The following IL1RAPL1 variants were observed in gnomAD, a reference collection of about 807,000 sequenced individuals.
IL1RAPL1 encodes the protein interleukin 1 receptor accessory protein like 1, also known as interleukin-1 receptor accessory protein-like 1.
In IL1RAPL1, 3 loss-of-function variants were observed where a neutral mutation model predicts 48.4. The observed-to-expected ratio is 0.06, with a 90% CI of 0.03 to 0.16. The LOEUF is 0.16. IL1RAPL1 is among the 10% of genes least tolerant of loss of function. The pLI, the probability that IL1RAPL1 is intolerant of heterozygous loss-of-function variation, is 1.00. For synonymous variants in IL1RAPL1, 185 were observed against 187.7 expected, an observed-to-expected ratio of 0.99 and a Z score of 0.12; for missense variants, 349 against 530.6, an observed-to-expected ratio of 0.66 and a Z score of 3.36.
intron 2 of IL1RAPL1, among the ~76,000 whole-genome samples, chrX:29,012,012 G>A (rs187729288): frequency 4.5e-5 from 5 of 112,067 alleles, no homozygotes; most frequent in East Asian, 2.8e-4. Context: ...CAGAGAGACC[G>A]ACATTATATA....
chrX:28,688,103 CAAAAAAAAAAAA>C (rs55752146), intron 1 of IL1RAPL1, among the ~76,000 whole-genome samples: 1 of 49,965 alleles, frequency 2.0e-5, no homozygotes, highest in Non-Finnish European at 3.6e-5. Context: ...GACTCTGTCT[CAAAAAAAAAAAA>C]AAAAAAAAGA....
chrX:29,860,364 A>T (rs1008532266), intron 6 of IL1RAPL1, among the ~76,000 whole-genome samples: 3 of 111,242 alleles, frequency 2.7e-5, no homozygotes, highest in African/African-American at 6.5e-5. Flanking sequence ...TTAGAATTAA[A>T]TTTTTTTTTA....
chrX:29,953,411 T>C (rs1000668273), intron 9 of IL1RAPL1, among the ~76,000 whole-genome samples: 1 of 112,053 alleles, frequency 8.9e-6, no homozygotes, highest in Admixed American at 9.4e-5. Flanking sequence ...AAATCTGAGA[T>C]GGTATATTAG....
At chrX:29,940,966 C>G (rs1205953774) in intron 8 of IL1RAPL1, among the ~76,000 whole-genome samples, 1 of 112,471 alleles carries the variant, frequency 8.9e-6, no homozygotes. Context: ...AAGCATTCAG[C>G]CTCCAAGATT....
At chrX:29,684,916 A>G (rs1926572804) in intron 6 of IL1RAPL1, among the ~76,000 whole-genome samples, 1 of 112,427 alleles carries the variant, frequency 8.9e-6, no homozygotes, top group African/African-American at 3.2e-5. Flanking sequence ...TTGACTTGTC[A>G]ATTTACTACG....
At chrX:28,887,078 T>TAA (rs1922650827) in intron 2 of IL1RAPL1, among the ~76,000 whole-genome samples, 2 of 112,032 alleles carry the variant, frequency 1.8e-5, no homozygotes, top group Non-Finnish European at 3.8e-5. Context: ...TCCAAGGTTT[T>TAA]ACTATGGCTC....
intron 2 of IL1RAPL1, among the ~76,000 whole-genome samples, chrX:29,016,803 T>A (rs1214897691): frequency 9.0e-6 from 1 of 111,402 alleles, no homozygotes; most frequent in Non-Finnish European, 1.9e-5. Context: ...GATATACAAG[T>A]TCAGATTTCT....
intron 3 of IL1RAPL1, among the ~76,000 whole-genome samples, chrX:29,389,499 C>T (rs993055506): frequency 1.8e-4 from 20 of 110,884 alleles, no homozygotes; most frequent in African/African-American, 6.6e-4. Flanking sequence ...TTTACTTCTT[C>T]TCCCTCTTAT....
At chrX:28,692,189 G>A (rs1482837439) in intron 1 of IL1RAPL1, among the ~76,000 whole-genome samples, 1 of 111,351 alleles carries the variant, frequency 9.0e-6, no homozygotes, top group Non-Finnish European at 1.9e-5. Flanking sequence ...ATGACATCAA[G>A]CCATACATGA....
At chrX:29,017,015 T>C (rs1372957842) in intron 2 of IL1RAPL1, among the ~76,000 whole-genome samples, 1 of 112,078 alleles carries the variant, frequency 8.9e-6, no homozygotes, top group Non-Finnish European at 1.9e-5. Context: ...ATTGAGATTG[T>C]AGATTACATT....
chrX:29,507,347 TCTTCCCTC>T, intron 5 of IL1RAPL1, among the ~76,000 whole-genome samples: 1 of 47,404 alleles, frequency 2.1e-5, no homozygotes, highest in Non-Finnish European at 4.0e-5. Context: ...TTCTCCCTTC[TCTTCCCTC>T]CCCTTCTCTC....
chrX:28,915,203 C>T (rs1923459012), intron 2 of IL1RAPL1, among the ~76,000 whole-genome samples: 1 of 111,419 alleles, frequency 9.0e-6, no homozygotes. Flanking sequence ...AGAGCTCAGG[C>T]GGTAATGCTT....
intron 5 of IL1RAPL1, among the ~76,000 whole-genome samples, chrX:29,502,255 T>G (rs762071888): frequency 9.0e-6 from 1 of 111,417 alleles, no homozygotes; most frequent in Non-Finnish European, 1.9e-5. Context: ...TAAGATCATA[T>G]TGCTTGCAAA....
chrX:29,196,278 A>G (rs1001242311), intron 2 of IL1RAPL1, among the ~76,000 whole-genome samples: 1 of 112,361 alleles, frequency 8.9e-6, no homozygotes, highest in Non-Finnish European at 1.9e-5. Flanking sequence ...TTAGCAATAA[A>G]GAACGACAAC....
rs60807689 is a variant in IL1RAPL1, at chrX:28,921,137, TA to T, written c.82+131722del. ...TGTGGATTCATCTAGAAAAATGAGT[TA>T]AAAAAAAAACGAGTGGAACTATAGT... is the stretch of plus-strand genomic sequence containing the variant. On this transcript the variant is annotated intron_variant, in intron 2 of 10. Coordinates refer to ENST00000378993, the MANE Select transcript of IL1RAPL1 (RefSeq NM_014271.4). Among the ~76,000 whole-genome samples the T allele has an allele frequency of 5.1e-4, 54 of 104,984 alleles. No homozygotes were observed. The East Asian group carries it at 9.9e-3, about 19-fold the overall frequency. 91.2% of individuals were successfully genotyped at this position (104,984 alleles called of 115,157 possible). A position where few individuals can be genotyped will look rare whatever the true frequency, so the allele number is the denominator to read the frequency against.
At chrX:29,386,863 CAGTA>C (rs1226847713) in intron 3 of IL1RAPL1, among the ~76,000 whole-genome samples, 1 of 111,745 alleles carries the variant, frequency 8.9e-6, no homozygotes, top group African/African-American at 3.2e-5. Context: ...TTTAAATGCT[CAGTA>C]AGTGAGAGTT....
At chrX:29,028,292 G>GTTTTTTTTTTTTTTTTT (rs775964789) in intron 2 of IL1RAPL1, among the ~76,000 whole-genome samples, 2 of 80,188 alleles carry the variant, frequency 2.5e-5, no homozygotes, top group Non-Finnish European at 5.0e-5. Context: ...TTTTTTGTTT[G>GTTTTTTTTTTTTTTTTT]TTTTTTTTTT....
At chrX:29,245,331 G>T (rs1419738297) in intron 2 of IL1RAPL1, among the ~76,000 whole-genome samples, 2 of 111,278 alleles carry the variant, frequency 1.8e-5, no homozygotes, top group Non-Finnish European at 3.8e-5. Context: ...TCTGGTTCTA[G>T]ATCCTTGAGG....
chrX:29,538,064 ATC>A (rs908454085), intron 5 of IL1RAPL1, among the ~76,000 whole-genome samples: 7 of 110,720 alleles, frequency 6.3e-5, no homozygotes, highest in South Asian at 3.8e-4. Flanking sequence ...TTTTATCTTT[ATC>A]TCTCTGTATG....
Sources: gnomAD v4.1 joint callset for allele counts (sites outside exome capture counted in the v4.1 genomes callset) on GRCh38, gnomAD v4.1.1 for gene constraint, MANE v1.5 for transcripts, NCBI Gene and HGNC (gene_info 2026-07-23, HGNC 2026-07-21) for gene names.